The following CEACAM20 variants were observed in gnomAD, a reference collection of about 807,000 sequenced individuals.
The protein encoded by CEACAM20 is cell adhesion molecule CEACAM20.
A neutral mutation model predicts 61.2 loss-of-function variants in CEACAM20; 50 were observed. The observed-to-expected ratio is 0.82, with a 90% CI of 0.65 to 1.03. The LOEUF (loss-of-function observed/expected upper bound fraction) is 1.03, where lower values mean the gene tolerates loss of function less well. CEACAM20 is among the 50% of genes least tolerant of loss of function. The pLI is 0.00. For missense variants in CEACAM20, 683 were observed against 736.4 expected, an observed-to-expected ratio of 0.93 and a Z score of 0.84; for synonymous variants, 282 against 287.7, an observed-to-expected ratio of 0.98 and a Z score of 0.20.
At chr19:44,513,438 T>A in intron 6 of CEACAM20, 149 bp from the exon 7 acceptor site, 1 of 557,562 alleles carries the variant, frequency 1.8e-6, no homozygotes, top group Non-Finnish European at 3.1e-6. Context: ...TGGTTTTTGG[T>A]TTTGCTTTTT....
intron 3 of CEACAM20, among the ~76,000 whole-genome samples, chr19:44,523,224 C>T (rs1359759065): frequency 6.6e-6 from 1 of 151,838 alleles, no homozygotes; most frequent in African/African-American, 2.4e-5. Flanking sequence ...GTCAGGGCAA[C>T]ATACCAAGAT....
rs144757537 is a variant in CEACAM20, at chr19:44,529,656, C to T, written c.-147G>A. The T allele has an allele frequency of 5.0e-4, 328 of 650,584 alleles. 2 individuals are homozygous for T. Among genetic ancestry groups the T allele is most frequent in the Middle Eastern group, 1.9e-3 (5 of 2,666 alleles). 40.3% of individuals were successfully genotyped at this position (650,584 alleles called of 1,614,324 possible). A position where few individuals can be genotyped will look rare whatever the true frequency, so the allele number is the denominator to read the frequency against. On this transcript the variant is annotated 5_prime_UTR_variant, in exon 1 of 12. Coordinates refer to ENST00000614924, the MANE Select transcript of CEACAM20 (RefSeq NM_001102597.3). ...CAAACTCACACACACACTGCAGTAA[C>T]TGCAGCTCCCAGGACAGACAGGGGT...
chr19:44,528,714 T>G (rs529858102), intron 1 of CEACAM20, among the ~76,000 whole-genome samples: 17 of 152,116 alleles, frequency 1.1e-4, no homozygotes, highest in African/African-American at 3.9e-4. Context: ...CTTTCTCTCT[T>G]GTCTCTGGTC....
At chr19:44,519,070 C>A (rs1971276169) in intron 5 of CEACAM20, among the ~76,000 whole-genome samples, 1 of 152,218 alleles carries the variant, frequency 6.6e-6, no homozygotes, top group Non-Finnish European at 1.5e-5. Context: ...ACACTCTCTT[C>A]CCTCTGTCTA....
At chr19:44,510,691 T>C (rs1021551676) in intron 11 of CEACAM20, among the ~76,000 whole-genome samples, 1 of 150,564 alleles carries the variant, frequency 6.6e-6, no homozygotes, top group African/African-American at 2.4e-5. Context: ...AGAGCTGGGA[T>C]GGGGGGAAAT....
At position 44,520,765 on chromosome 19, in the gene CEACAM20, G is replaced by C; in HGVS notation, c.752-13C>G. ...ATGGTCAGTGTTTCTGGAAACACGT[G>C]GAGATACACAGTCAGGTTCAGGGAG... On this transcript the variant is annotated splice_polypyrimidine_tract_variant and intron_variant, in intron 4 of 11. Coordinates refer to ENST00000614924, the MANE Select transcript of CEACAM20 (RefSeq NM_001102597.3). The C allele has an allele frequency of 6.2e-7, 1 of 1,608,278 alleles. No homozygotes were observed. Among genetic ancestry groups the C allele is most frequent in the South Asian group, 1.1e-5 (1 of 90,900 alleles).
chr19:44,518,792 G>T (rs1293246839), intron 5 of CEACAM20, among the ~76,000 whole-genome samples: 1 of 151,844 alleles, frequency 6.6e-6, no homozygotes, highest in Admixed American at 6.6e-5. Flanking sequence ...GCTCCTCCTG[G>T]TCTCCCCATC....
intron 1 of CEACAM20, 101 bp from the exon 2 acceptor site, chr19:44,525,345 G>C (rs763058679): frequency 4.4e-6 from 5 of 1,142,446 alleles, no homozygotes; most frequent in Non-Finnish European, 6.1e-6. Context: ...CCATAGGACT[G>C]GCATTCCACC....
At chr19:44,518,340 T>C (rs1276274006) in intron 5 of CEACAM20, among the ~76,000 whole-genome samples, 1 of 152,172 alleles carries the variant, frequency 6.6e-6, no homozygotes, top group Non-Finnish European at 1.5e-5. Flanking sequence ...TATAAACACG[T>C]GCAAATTTTC....
chr19:44,524,710 GC>G (rs1971474690), intron 2 of CEACAM20, among the ~76,000 whole-genome samples: 1 of 151,986 alleles, frequency 6.6e-6, no homozygotes, highest in South Asian at 2.1e-4. Flanking sequence ...TTCCCAAATA[GC>G]TGGGACTACA....
chr19:44,520,252 G>C (rs1181941647), intron 5 of CEACAM20, among the ~76,000 whole-genome samples: 1 of 152,180 alleles, frequency 6.6e-6, no homozygotes, highest in Non-Finnish European at 1.5e-5. Context: ...TAAATCTGGT[G>C]GTGTCCCTAA....
At chr19:44,526,973 T>A (rs934851760) in intron 1 of CEACAM20, among the ~76,000 whole-genome samples, 3 of 151,594 alleles carry the variant, frequency 2.0e-5, no homozygotes, top group African/African-American at 7.3e-5. Flanking sequence ...TCCCATGAGC[T>A]CAATTAACAC....
chr19:44,508,394 A>G (rs1255492248), intron 11 of CEACAM20, among the ~76,000 whole-genome samples: 1 of 151,784 alleles, frequency 6.6e-6, no homozygotes, highest in African/African-American at 2.4e-5. Flanking sequence ...CTTCTTTTTT[A>G]TTTTTTTCTT....
chr19:44,514,780 C>T (rs1460150750), intron 6 of CEACAM20, among the ~76,000 whole-genome samples: 2 of 151,816 alleles, frequency 1.3e-5, no homozygotes, highest in Non-Finnish European at 2.9e-5. Context: ...TCTTTATATG[C>T]CAAGCAAGGA....
chr19:44,508,342 G>A (rs1169876939), intron 11 of CEACAM20, among the ~76,000 whole-genome samples: 1 of 152,132 alleles, frequency 6.6e-6, no homozygotes, highest in Non-Finnish European at 1.5e-5. Flanking sequence ...CTCTAAACTT[G>A]TTACTGGAAT....
At chr19:44,524,369 A>C in intron 2 of CEACAM20, 108 bp from the exon 3 acceptor site, 2 of 1,251,802 alleles carry the variant, frequency 1.6e-6, no homozygotes, top group Non-Finnish European at 2.2e-6. Flanking sequence ...GAATTGCCAG[A>C]AGACTCTCTG....
In CEACAM20 at chr19:44,517,045, T is replaced by C; in HGVS notation, c.1210A>G (p.Arg404Gly). 1 of 1,602,686 alleles carries C rather than the reference T, an allele frequency of 6.2e-7. No homozygotes were observed. Among genetic ancestry groups the C allele is most frequent in the Non-Finnish European group, 8.5e-7 (1 of 1,174,832 alleles). The change falls in exon 6 of 12, where the codon AGG becomes GGG. Residue 404 changes from arginine (R) to glycine (G), a missense_variant. Physicochemically the swap from Arg to Gly is moderately radical, Grantham distance 125. Coordinates refer to ENST00000614924, the MANE Select transcript of CEACAM20 (RefSeq NM_001102597.3). The stretch of plus-strand genomic sequence containing the variant: ...CCGTCGTGTTCCCAGGTCAGAGCCC[T>C]GATAATCAGCTGCTCACCCAGGTGC... ...GEHLGEQLII[R>G]ALTWEHDGIY... is the part of the protein sequence containing the mutation.
intron 8 of CEACAM20, among the ~76,000 whole-genome samples, chr19:44,512,431 C>G (rs986601070): frequency 6.6e-6 from 1 of 152,172 alleles, no homozygotes; most frequent in African/African-American, 2.4e-5. Context: ...AAAGGCCTAT[C>G]CTTCCAGAAT....
intron 1 of CEACAM20, among the ~76,000 whole-genome samples, chr19:44,526,901 A>C (rs1209034465): frequency 2.6e-5 from 4 of 151,866 alleles, no homozygotes; most frequent in Middle Eastern, 6.8e-3. Flanking sequence ...CAAAAAAAAA[A>C]CACGAGACTT....
Sources: allele counts gnomAD v4.1 joint callset (sites outside exome capture counted in the v4.1 genomes callset), GRCh38; gene constraint gnomAD v4.1.1; transcripts MANE v1.5; gene names NCBI Gene and HGNC (gene_info 2026-07-23, HGNC 2026-07-21).